AHCY: variants seen among roughly 807,000 people sequenced by gnomAD.
AHCY encodes S-adenosyl-L-homocysteine hydrolase.
AHCY carries 24 observed loss-of-function variants against 45.4 expected under a neutral mutation model. The observed-to-expected ratio is 0.53, with a 90% CI of 0.38 to 0.74. The LOEUF (loss-of-function observed/expected upper bound fraction) is 0.74. Among genes scored for constraint, AHCY ranks in the 30% least tolerant of loss-of-function variants. The probability of loss-of-function intolerance (pLI) is 0.00; values close to 1 mark genes in which losing one functional copy is unlikely to be tolerated. For missense variants in AHCY, 449 were observed against 594.1 expected, an observed-to-expected ratio of 0.76 and a Z score of 2.54; for synonymous variants, 245 against 235.1, an observed-to-expected ratio of 1.04 and a Z score of -0.39.
At chr20:34,310,517 A>T (rs975277890) in intron 1 of AHCY, among the ~76,000 whole-genome samples, 1 of 152,338 alleles carries the variant, frequency 6.6e-6, no homozygotes, top group African/African-American at 2.4e-5. Flanking sequence ...GTAATAACTA[A>T]CAAGATTACA....
the AHCY span, among the ~76,000 whole-genome samples, chr20:34,255,005 C>A: frequency 1.3e-5 from 2 of 152,300 alleles, no homozygotes; most frequent in African/African-American, 4.8e-5. Flanking sequence ...ATTCACTTTT[C>A]CTGAGTTAGG....
the AHCY span, among the ~76,000 whole-genome samples, chr20:34,269,944 CTTAAAAAAAA>C: frequency 1.9e-5 from 1 of 51,792 alleles, no homozygotes; most frequent in Admixed American, 2.2e-4. Context: ...GAAACTCTGT[CTTAAAAAAAA>C]AAAAAAAAAA....
In AHCY at chr20:34,290,766, A is replaced by G. The variant is rs372514895; in HGVS notation, c.731T>C (p.Ile244Thr). 2.5e-6 allele frequency: 4 copies of G among 1,613,546 alleles called. No individual in the cohort carries two copies. The African/African-American group carries it at 4.0e-5, about 16-fold the overall frequency. The stretch of plus-strand genomic sequence containing the variant: ...AGCCTGCAGTGCGTTGATGGGGTCA[A>G]TCTCGGTGATGATGACGCGGGCTCC... ...GFGARVIITE[I>T]DPINALQAAM... The change falls in exon 6 of 10, where the codon ATT becomes ACT. Residue 244 changes from isoleucine (I) to threonine (T), a missense_variant. Coordinates refer to ENST00000217426, the MANE Select transcript of AHCY (RefSeq NM_000687.4). This position sits in a 1 kb window ranked among gnomAD's most constrained non-coding sequence, Gnocchi z 4.5.
the AHCY span, among the ~76,000 whole-genome samples, chr20:34,275,267 G>A: frequency 2.0e-4 from 30 of 151,974 alleles, no homozygotes; most frequent in South Asian, 2.1e-3. Flanking sequence ...CAAGTAGCTG[G>A]GATTACAGGT....
At chr20:34,301,799 C>T (rs1464030609) in intron 1 of AHCY, 1 of 985,256 alleles carries the variant, frequency 1.0e-6, no homozygotes. Context: ...TGGAGACAGT[C>T]TACTCTGGTA....
At chr20:34,251,238 CATA>C in the AHCY span, among the ~76,000 whole-genome samples, 1 of 152,068 alleles carries the variant, frequency 6.6e-6, no homozygotes, top group African/African-American at 2.4e-5. Context: ...CTTAAGGAAA[CATA>C]ATAAGTGACC....
chr20:34,262,973 T>A, the AHCY span: 1 of 1,519,706 alleles, frequency 6.6e-7, no homozygotes, highest in Admixed American at 1.8e-5. Flanking sequence ...AACCTCTGGC[T>A]AGGAACTAAA....
At chr20:34,241,913 T>C in the AHCY span, among the ~76,000 whole-genome samples, 1 of 152,222 alleles carries the variant, frequency 6.6e-6, no homozygotes, top group Non-Finnish European at 1.5e-5. Flanking sequence ...GTGTAGCATT[T>C]GTTCATTTCA....
rs776416478 is a variant in AHCY at position 34,290,559 on chromosome 20, G to A, written c.846C>T (p.Ile282=). Residue 282 remains isoleucine (I), a synonymous_variant, in exon 7 of 10, where the codon ATC becomes ATT. Transcript: ENST00000217426. The surrounding 1 kb of genome is among the most constrained non-coding windows in gnomAD (Gnocchi z 4.5). ...CCCCATCTGGCACCTACCGGCCAAG[G>A]ATGATGTCAATACAGCCTGTGGTGG... The part of the protein sequence containing the change: ...FVTTTGCIDI[I]LGRHFEQMKD... 1 of 1,614,196 alleles carries A rather than the reference G, an allele frequency of 6.2e-7. No individual in the cohort carries two copies. The highest frequency in any genetic ancestry group is 8.5e-7 in the Non-Finnish European group (1 of 1,180,028).
chr20:34,245,812 G>T, the AHCY span: 1 of 790,154 alleles, frequency 1.3e-6, no homozygotes. Context: ...AAATGCCAAG[G>T]ACGAGGGCAG....
intron 3 of AHCY, among the ~76,000 whole-genome samples, chr20:34,292,723 G>A (rs1198772164): frequency 6.6e-6 from 1 of 152,222 alleles, no homozygotes; most frequent in Non-Finnish European, 1.5e-5. Flanking sequence ...GTGACCTTGG[G>A]CAAATCACTT....
At chr20:34,270,535 C>A in the AHCY span, among the ~76,000 whole-genome samples, 1 of 152,188 alleles carries the variant, frequency 6.6e-6, no homozygotes, top group Admixed American at 6.6e-5. Flanking sequence ...CACCATTTGG[C>A]CCCCAGGGGT....
upstream of AHCY, among the ~76,000 whole-genome samples, chr20:34,304,447 A>G (rs1351606363): frequency 6.6e-6 from 1 of 152,214 alleles, no homozygotes. Flanking sequence ...AATATAATGT[A>G]AATGCTATGC....
the AHCY span, among the ~76,000 whole-genome samples, chr20:34,235,884 AG>A: frequency 1.0e-5 from 1 of 95,492 alleles, no homozygotes; most frequent in African/African-American, 7.5e-5. Context: ...GAAGGAAGGA[AG>A]GAAGGAAGGA....
intron 1 of AHCY, among the ~76,000 whole-genome samples, chr20:34,301,060 T>C (rs2036753846): frequency 6.6e-6 from 1 of 151,946 alleles, no homozygotes; most frequent in African/African-American, 2.4e-5. Flanking sequence ...GTGACAAGGG[T>C]GGCAAAGAAA....
At chr20:34,237,111 C>T in the AHCY span, among the ~76,000 whole-genome samples, 1 of 152,176 alleles carries the variant, frequency 6.6e-6, no homozygotes, top group Non-Finnish European at 1.5e-5. Flanking sequence ...TATGCAAGTA[C>T]CACACTGTTT....
the AHCY span, among the ~76,000 whole-genome samples, chr20:34,259,227 G>C: frequency 6.7e-6 from 1 of 150,106 alleles, no homozygotes; most frequent in Non-Finnish European, 1.5e-5. Context: ...AATGACAACA[G>C]AAAAAAACTA....
downstream of AHCY, among the ~76,000 whole-genome samples, chr20:34,278,416 G>C (rs1228073572): frequency 2.0e-5 from 3 of 152,198 alleles, no homozygotes; most frequent in African/African-American, 7.2e-5. Context: ...CGCACACACA[G>C]GCAGCGGCTG....
At chr20:34,295,639 G>A (rs2036555853) in intron 1 of AHCY, 54 bp from the exon 2 acceptor site, 3 of 1,586,564 alleles carry the variant, frequency 1.9e-6, no homozygotes, top group Non-Finnish European at 2.6e-6. Flanking sequence ...CACCAACCAA[G>A]AGGGGCGGTC....
Sources: gnomAD v4.1 joint callset for allele counts (sites outside exome capture counted in the v4.1 genomes callset) on GRCh38, gnomAD v4.1.1 for gene constraint, Gnocchi (gnomAD v3.1) non-coding constraint, MANE v1.5 for transcripts, NCBI Gene and HGNC (gene_info 2026-07-23, HGNC 2026-07-21) for gene names.